The following BRINP3 variants were observed in gnomAD, a reference collection of about 807,000 sequenced individuals.
BRINP3 encodes BMP/retinoic acid inducible neural specific 3.
In BRINP3, 19 loss-of-function variants were observed where a neutral mutation model predicts 71.0. The observed-to-expected ratio is 0.27, with a 90% confidence interval of 0.19 to 0.39. The LOEUF (loss-of-function observed/expected upper bound fraction) is 0.39. BRINP3 is among the 10% of genes least tolerant of loss of function. BRINP3 has a pLI of 1.00. For synonymous variants in BRINP3, 380 were observed against 337.7 expected, an observed-to-expected ratio of 1.13 and a Z score of -1.37; for missense variants, 959 against 940.8, an observed-to-expected ratio of 1.02 and a Z score of -0.25.
At chr1:190,305,595 G>A (rs528688066) in intron 2 of BRINP3, among the ~76,000 whole-genome samples, 1 of 151,676 alleles carries the variant, frequency 6.6e-6, no homozygotes, top group African/African-American at 2.4e-5. Flanking sequence ...GGAGAAGAGG[G>A]GGAGATGGGG....
chr1:190,284,476 A>AT (rs1243949434), intron 2 of BRINP3, among the ~76,000 whole-genome samples: 1 of 151,976 alleles, frequency 6.6e-6, no homozygotes, highest in Non-Finnish European at 1.5e-5. Flanking sequence ...GCTTTAGAGT[A>AT]TTTTTCTGTG....
At chr1:190,194,080 C>A (rs2102584878) in intron 6 of BRINP3, among the ~76,000 whole-genome samples, 1 of 152,096 alleles carries the variant, frequency 6.6e-6, no homozygotes, top group East Asian at 1.9e-4. Flanking sequence ...TTTTCCTTGA[C>A]AACATGGAGT....
intron 2 of BRINP3, among the ~76,000 whole-genome samples, chr1:190,301,630 G>A (rs1664746412): frequency 6.6e-6 from 1 of 151,464 alleles, no homozygotes; most frequent in Non-Finnish European, 1.5e-5. Flanking sequence ...TAGAGTTTTG[G>A]AATATACAGA....
At chr1:190,381,001 A>T (rs1670512236) in intron 2 of BRINP3, among the ~76,000 whole-genome samples, 1 of 152,072 alleles carries the variant, frequency 6.6e-6, no homozygotes. Flanking sequence ...GAGAAATATG[A>T]GCCTCAAAAA....
At chr1:190,327,625 C>A (rs1039657473) in intron 2 of BRINP3, among the ~76,000 whole-genome samples, 5 of 152,000 alleles carry the variant, frequency 3.3e-5, no homozygotes, top group African/African-American at 1.2e-4. Context: ...ATATACACAT[C>A]TAATATTGGA....
intron 7 of BRINP3, among the ~76,000 whole-genome samples, chr1:190,155,868 C>A (rs533976652): frequency 1.7e-4 from 26 of 151,766 alleles, no homozygotes; most frequent in South Asian, 2.1e-4. Context: ...TTCCTGCAGT[C>A]CCCCCAGCCA....
chr1:190,109,268 G>A (rs924517052), intron 7 of BRINP3, among the ~76,000 whole-genome samples: 5 of 152,046 alleles, frequency 3.3e-5, no homozygotes, highest in Admixed American at 1.3e-4. Flanking sequence ...ATTTACATAT[G>A]ATATGTAGAT....
intron 2 of BRINP3, among the ~76,000 whole-genome samples, chr1:190,377,094 T>G (rs1670232568): frequency 6.6e-6 from 1 of 152,012 alleles, no homozygotes; most frequent in African/African-American, 2.4e-5. Context: ...TGATTATTTT[T>G]AATTTTCAAT....
chr1:190,279,166 A>T (rs1420111037), intron 3 of BRINP3, among the ~76,000 whole-genome samples: 1 of 151,852 alleles, frequency 6.6e-6, no homozygotes, highest in African/African-American at 2.4e-5. Flanking sequence ...GAGTTATAGA[A>T]ATAACTCAAA....
chr1:190,429,700 C>T (rs1170972936), intron 2 of BRINP3, among the ~76,000 whole-genome samples: 1 of 151,422 alleles, frequency 6.6e-6, no homozygotes, highest in Non-Finnish European at 1.5e-5. Context: ...AAACGATTCT[C>T]CTGCCTCAGA....
chr1:190,444,531 ATTTT>A (rs529780871), intron 2 of BRINP3, among the ~76,000 whole-genome samples: 1 of 151,320 alleles, frequency 6.6e-6, no homozygotes, highest in African/African-American at 2.4e-5. Context: ...ATTTTTATTT[ATTTT>A]TTTATTTATT....
At chr1:190,283,404 G>A (rs1053233247) in intron 2 of BRINP3, among the ~76,000 whole-genome samples, 10 of 151,762 alleles carry the variant, frequency 6.6e-5, no homozygotes, top group African/African-American at 2.4e-4. Context: ...TAAAACAACC[G>A]ATCTACATAA....
intron 5 of BRINP3, among the ~76,000 whole-genome samples, chr1:190,233,561 C>T (rs1285718551): frequency 6.6e-6 from 1 of 152,114 alleles, no homozygotes; most frequent in African/African-American, 2.4e-5. Context: ...TTATGTAAAA[C>T]TGAATAATGT....
At chr1:190,258,505 C>T (rs1660879696) in intron 4 of BRINP3, among the ~76,000 whole-genome samples, 2 of 151,578 alleles carry the variant, frequency 1.3e-5, no homozygotes, top group Admixed American at 1.3e-4. Flanking sequence ...AAAAAGTTTA[C>T]CTTGATTGAT....
chr1:190,380,549 A>G (rs1033247389), intron 2 of BRINP3, among the ~76,000 whole-genome samples: 5 of 152,156 alleles, frequency 3.3e-5, no homozygotes, highest in African/African-American at 9.7e-5. Context: ...GAGATTCTGG[A>G]GATAGACATT....
chr1:190,165,733 A>T (rs753131958), intron 6 of BRINP3, among the ~76,000 whole-genome samples: 55 of 152,014 alleles, frequency 3.6e-4, no homozygotes, highest in Non-Finnish European at 6.2e-4. Flanking sequence ...AAAAACCTCG[A>T]CACTACAGAA....
rs12728685 is a variant in BRINP3, at chr1:190,178,069, T to G, written c.962-17179A>C. On this transcript the variant is annotated intron_variant, in intron 6 of 7. Transcript: ENST00000367462. ...ATTATGCCATTTTATATAAGAGACTTAAGCATCCATGTATTTTGGTACCTT... is the reference window on the plus strand; with the variant it reads ...ATTATGCCATTTTATATAAGAGACTGAAGCATCCATGTATTTTGGTACCTT... 3.1e-3 allele frequency among the ~76,000 whole-genome samples: 474 copies of G among 152,292 alleles called. 3 individuals are homozygous for G. Among genetic ancestry groups the G allele is most frequent in the Non-Finnish European group, 3.8e-3 (260 of 68,000 alleles).
chr1:190,357,144 G>T (rs1018919389), intron 2 of BRINP3, among the ~76,000 whole-genome samples: 1 of 151,880 alleles, frequency 6.6e-6, no homozygotes, highest in Non-Finnish European at 1.5e-5. Context: ...TATCAGTCAG[G>T]TTAGAAGTGA....
intron 7 of BRINP3, among the ~76,000 whole-genome samples, chr1:190,156,116 A>G (rs1656842947): frequency 6.6e-6 from 1 of 152,122 alleles, no homozygotes; most frequent in Non-Finnish European, 1.5e-5. Flanking sequence ...AATGATTTTT[A>G]TGTCGCATGA....
Sources: allele counts gnomAD v4.1 joint callset (sites outside exome capture counted in the v4.1 genomes callset), GRCh38; gene constraint gnomAD v4.1.1; transcripts MANE v1.5; gene names NCBI Gene and HGNC (gene_info 2026-07-23, HGNC 2026-07-21).